The following TOX2 variants were observed in gnomAD, a reference collection of about 807,000 sequenced individuals.
TOX2 encodes granulosa cell HMG box 1.
In TOX2, 15 loss-of-function variants were observed where a neutral mutation model predicts 47.4. That is an observed-to-expected ratio of 0.32 (90% CI 0.21 to 0.49). The LOEUF is 0.49. Ranked by LOEUF, TOX2 falls within the 20% of genes least tolerant of loss-of-function variation. The pLI is 0.99. For synonymous variants in TOX2, 290 were observed against 296.6 expected, an observed-to-expected ratio of 0.98 and a Z score of 0.23; for missense variants, 622 against 673.1, an observed-to-expected ratio of 0.92 and a Z score of 0.84.
rs140049939 is a variant in TOX2, at chr20:43,954,790, A to C, written c.100-18577A>C. 9.2e-5 allele frequency among the ~76,000 whole-genome samples: 14 copies of C among 152,268 alleles called. No homozygotes were observed. The East Asian group carries it at 2.7e-3, about 29-fold the overall frequency. Reference sequence around the variant, plus strand: ...ATTTCAGCCTCTGGGAGGATCCACGAGGGTGTGGGGAGAGACGTCAGACCT... The same window carrying C: ...ATTTCAGCCTCTGGGAGGATCCACGCGGGTGTGGGGAGAGACGTCAGACCT... On this transcript the variant is annotated intron_variant, in intron 1 of 8. Transcript: ENST00000341197.
At chr20:43,957,567 CTT>C (rs35133028) in intron 1 of TOX2, among the ~76,000 whole-genome samples, 51 of 105,746 alleles carry the variant, frequency 4.8e-4, no homozygotes, top group African/African-American at 7.2e-4. Context: ...TAAATGCCCT[CTT>C]TTTTTTTTTT....
chr20:44,044,880 T>C (rs1437554663), intron 3 of TOX2, among the ~76,000 whole-genome samples: 4 of 152,120 alleles, frequency 2.6e-5, no homozygotes, highest in Non-Finnish European at 5.9e-5. Flanking sequence ...TACCAGCAGA[T>C]GAATGGATAA....
At chr20:44,013,691 G>T (rs1407521259) in intron 3 of TOX2, among the ~76,000 whole-genome samples, 1 of 152,216 alleles carries the variant, frequency 6.6e-6, no homozygotes, top group African/African-American at 2.4e-5. Context: ...GATCTGGACT[G>T]ATTCAGGTGA....
intron 3 of TOX2, among the ~76,000 whole-genome samples, chr20:44,045,670 A>G (rs2071400383): frequency 6.6e-6 from 1 of 152,208 alleles, no homozygotes; most frequent in Non-Finnish European, 1.5e-5. Context: ...GGTCCAGTAA[A>G]CTTATGAAAA....
chr20:43,923,372 C>T (rs1173664639), intron 1 of TOX2, among the ~76,000 whole-genome samples: 3 of 152,326 alleles, frequency 2.0e-5, no homozygotes, highest in African/African-American at 4.8e-5. Context: ...CCCAGTAGCC[C>T]ATGATAGATA....
chr20:43,932,084 G>A (rs2145321505), intron 1 of TOX2, among the ~76,000 whole-genome samples: 1 of 152,266 alleles, frequency 6.6e-6, no homozygotes, highest in South Asian at 2.1e-4. Context: ...CTGGGGTATG[G>A]TGGAGAGTGG....
intron 2 of TOX2, among the ~76,000 whole-genome samples, chr20:43,992,208 G>A (rs1408475650): frequency 6.6e-6 from 1 of 152,200 alleles, no homozygotes; most frequent in African/African-American, 2.4e-5. Context: ...GAACGTGGCT[G>A]GAGTGGAGGC....
At chr20:44,014,156 G>C (rs7345184) in intron 3 of TOX2, among the ~76,000 whole-genome samples, 1 of 88,944 alleles carries the variant, frequency 1.1e-5, no homozygotes, top group Non-Finnish European at 2.4e-5. Context: ...AAAAAAAAAA[G>C]GAAAAGAGAG....
intron 3 of TOX2, among the ~76,000 whole-genome samples, chr20:44,028,258 A>T (rs1479265958): frequency 6.6e-6 from 1 of 151,908 alleles, no homozygotes. Context: ...TCCCAGGTGG[A>T]AGGGGCTGCC....
chr20:44,050,434 A>AAATT (rs2071489348), intron 3 of TOX2, among the ~76,000 whole-genome samples: 1 of 152,234 alleles, frequency 6.6e-6, no homozygotes, highest in Non-Finnish European at 1.5e-5. Context: ...TGTTTGTTAG[A>AAATT]AATTAGAAAG....
rs1365265307 is a variant in TOX2 at position 43,914,957 on chromosome 20, C to T, written c.66C>T (p.Gly22=). Residue 22 remains glycine, a synonymous_variant, in exon 1 of 9, where the codon GGC becomes GGT. Coordinates refer to ENST00000341197, the MANE Select transcript of TOX2 (RefSeq NM_001098797.2). The surrounding 1 kb of genome is among the most constrained non-coding windows in gnomAD (Gnocchi z 4.5). ...VGARPGAEPA[G]LAHLDYYHGG... ...CGCGGCCCGGGGCCGAGCCGGCCGG[C>T]CTGGCGCACCTGGACTATTACCACG... The T allele has an allele frequency of 1.6e-6, 2 of 1,255,318 alleles. No individual in the cohort carries two copies. The highest frequency in any genetic ancestry group is 2.5e-5 in the South Asian group (1 of 39,616). The allele number at this position is 1,255,318 out of a possible 1,614,324, so 77.8% of individuals were successfully genotyped here.
At chr20:44,048,102 C>T (rs960056995) in intron 3 of TOX2, among the ~76,000 whole-genome samples, 17 of 151,876 alleles carry the variant, frequency 1.1e-4, no homozygotes, top group Admixed American at 2.6e-4. Context: ...ACCTGTAATT[C>T]CAGCTACTCA....
chr20:43,953,553 G>A (rs968004168), intron 1 of TOX2, among the ~76,000 whole-genome samples: 8 of 152,184 alleles, frequency 5.3e-5, no homozygotes, highest in Admixed American at 1.3e-4. Context: ...GTGTGTCCAC[G>A]TCTGTAGGAA....
intron 2 of TOX2, among the ~76,000 whole-genome samples, chr20:43,989,979 T>A (rs1235715853): frequency 6.6e-6 from 1 of 152,158 alleles, no homozygotes; most frequent in East Asian, 1.9e-4. Context: ...CTATTGGTTG[T>A]TGGCCGGATT....
intron 1 of TOX2, among the ~76,000 whole-genome samples, chr20:43,948,386 C>T (rs2069505501): frequency 6.6e-6 from 1 of 152,256 alleles, no homozygotes; most frequent in East Asian, 1.9e-4. Context: ...AACCCCTGCT[C>T]TTCCACTGTG....
intron 1 of TOX2, among the ~76,000 whole-genome samples, chr20:43,948,722 C>T (rs761919): frequency 0.49 from 75,005 of 152,148 alleles, 21,310 homozygotes; most frequent in Non-Finnish European, 0.63. Context: ...GATGTTCACA[C>T]ATCTGGACAG....
chr20:43,967,043 A>G (rs1177173281), intron 1 of TOX2, among the ~76,000 whole-genome samples: 2 of 152,174 alleles, frequency 1.3e-5, no homozygotes, highest in African/African-American at 4.8e-5. Flanking sequence ...TTGTGTTCAC[A>G]CTCAGCATAC....
intron 2 of TOX2, among the ~76,000 whole-genome samples, chr20:43,983,373 G>GGA (rs2070203745): frequency 6.6e-6 from 1 of 152,120 alleles, no homozygotes; most frequent in Non-Finnish European, 1.5e-5. Context: ...AGTTTGCCTG[G>GGA]TCTGTTTCTC....
chr20:43,927,610 TTCCTTCCTTCCTTCC>T (rs763153169), intron 1 of TOX2, among the ~76,000 whole-genome samples: 2,231 of 79,588 alleles, frequency 0.028, 42 homozygotes, highest in East Asian at 0.072. Flanking sequence ...CCTTCCTTCC[TTCCTTCCTTCCTTCC>T]TCCTTCCTTC....
Sources: gnomAD v4.1 joint callset for allele counts (sites outside exome capture counted in the v4.1 genomes callset) on GRCh38, gnomAD v4.1.1 for gene constraint, Gnocchi (gnomAD v3.1) non-coding constraint, MANE v1.5 for transcripts, NCBI Gene and HGNC (gene_info 2026-07-23, HGNC 2026-07-21) for gene names.